TNS1: variants seen among roughly 807,000 people sequenced by gnomAD.
The protein encoded by TNS1 is tensin 1, also known as tensin-1.
In TNS1, 62 loss-of-function variants were observed where a neutral mutation model predicts 168.6. The observed-to-expected ratio is 0.37, with a 90% CI of 0.30 to 0.45. TNS1 has a LOEUF of 0.45. Among genes scored for constraint, TNS1 ranks in the 20% least tolerant of loss-of-function variants. The pLI is 1.00. For synonymous variants in TNS1, 934 were observed against 933.2 expected (o/e 1.00, Z -0.02); for missense variants, 2,240 against 2,339.4 (o/e 0.96, Z 0.88).
rs112279658 is a variant in TNS1 at position 217,808,507 on chromosome 2, G to GCACA, written c.5342+92_5342+95dup. ...AGCTGAATGGAGAATGTATGCACAT[G>GCACA]CACACACACACACACACACATGCAC... On this transcript the variant is annotated intron_variant, in intron 31 of 32. Transcript: ENST00000682258. 4.1e-3 allele frequency: 4,214 copies of GCACA among 1,019,914 alleles called. 79 individuals carry two copies. In the African/African-American group the frequency reaches 0.055, roughly 13 times the overall value. The allele number at this position is 1,019,914 out of a possible 1,614,324, so 63.2% of individuals were successfully genotyped here. A position where few individuals can be genotyped will look rare whatever the true frequency, so the allele number is the denominator to read the frequency against.
chr2:217,804,256 TTCTCTCTC>T lies in TNS1; in HGVS notation c.*195_*202del, dbSNP rs71403015. 372 of 416,886 alleles carry T rather than the reference TTCTCTCTC, an allele frequency of 8.9e-4. No homozygotes were observed. Among genetic ancestry groups the T allele is most frequent in the African/African-American group, 1.8e-3 (81 of 44,276 alleles). 25.8% of individuals were successfully genotyped at this position (416,886 alleles called of 1,614,324 possible). A position where few individuals can be genotyped will look rare whatever the true frequency, so the allele number is the denominator to read the frequency against. ...GAATCCAAGTTCTTCTCCTCCATCT[TTCTCTCTC>T]TCTCTCTCTCTCTCTCTCTCTCTCT... is the stretch of plus-strand genomic sequence containing the variant. On this transcript the variant is annotated 3_prime_UTR_variant, in exon 33 of 33. Transcript: ENST00000682258.
chr2:218,030,978 GTGTATGAGTGTA>G (rs1559415418), intron 1 of TNS1, among the ~76,000 whole-genome samples: 13 of 151,630 alleles, frequency 8.6e-5, no homozygotes, highest in Admixed American at 1.3e-4. Flanking sequence ...TGTGAACTGT[GTGTATGAGTGTA>G]TGTATGAGTG....
intron 18 of TNS1, among the ~76,000 whole-genome samples, chr2:217,870,964 C>T (rs1263322410): frequency 3.9e-5 from 6 of 152,236 alleles, no homozygotes; most frequent in Non-Finnish European, 8.8e-5. Context: ...ACTAATTGTG[C>T]CAGTGAGTCA....
intron 3 of TNS1, chr2:217,936,921 C>T (rs201709623): frequency 1.5e-5 from 7 of 456,722 alleles, no homozygotes; most frequent in Non-Finnish European, 2.6e-5. Flanking sequence ...CACTAAGGCT[C>T]AGACCCATGT....
chr2:217,886,748 C>T (rs950503357), intron 12 of TNS1, 102 bp from the exon 13 acceptor site: 1 of 878,612 alleles, frequency 1.1e-6, no homozygotes, highest in African/African-American at 1.7e-5. Flanking sequence ...CACTCACCTA[C>T]TCTACCCTCT....
At chr2:217,913,464 C>T (rs1954657447) in intron 4 of TNS1, among the ~76,000 whole-genome samples, 1 of 152,124 alleles carries the variant, frequency 6.6e-6, no homozygotes, top group African/African-American at 2.4e-5. Context: ...TGGCTCTCCT[C>T]CCCGACCTGG....
chr2:217,968,995 A>G (rs960874447), intron 3 of TNS1, among the ~76,000 whole-genome samples: 1 of 152,158 alleles, frequency 6.6e-6, no homozygotes, highest in African/African-American at 2.4e-5. Flanking sequence ...CACCACTCCC[A>G]GCCTCAAAAT....
chr2:217,835,973 C>A (rs372445801), intron 20 of TNS1, 42 bp downstream of exon 20: 33 of 1,553,274 alleles, frequency 2.1e-5, no homozygotes, highest in African/African-American at 2.0e-4. Flanking sequence ...AAAGTGGGCA[C>A]CACTACCCTC....
chr2:217,966,115 A>AC (rs759126462), intron 3 of TNS1, among the ~76,000 whole-genome samples: 5 of 151,738 alleles, frequency 3.3e-5, no homozygotes, highest in Non-Finnish European at 7.4e-5. Flanking sequence ...GATGCAGCAA[A>AC]CCCTTGTGTG....
intron 2 of TNS1, among the ~76,000 whole-genome samples, chr2:217,984,743 T>G (rs1381759096): frequency 2.7e-5 from 4 of 148,372 alleles, no homozygotes. Flanking sequence ...TCCTCCCACC[T>G]CAGCCTCTTT....
At chr2:217,932,722 A>G (rs1432979483) in intron 3 of TNS1, among the ~76,000 whole-genome samples, 1 of 152,184 alleles carries the variant, frequency 6.6e-6, no homozygotes, top group Admixed American at 6.5e-5. Context: ...GTCAAAGTCA[A>G]AGAAAGCATG....
At chr2:217,968,855 T>A (rs1287455417) in intron 3 of TNS1, among the ~76,000 whole-genome samples, 2 of 152,070 alleles carry the variant, frequency 1.3e-5, no homozygotes, top group Non-Finnish European at 1.5e-5. Context: ...CCACCATGCC[T>A]GGCTAATTTT....
In TNS1 at chr2:217,880,625, G is replaced by A. The variant is rs891311932; in HGVS notation, c.1429+273C>T. 3.3e-5 allele frequency among the ~76,000 whole-genome samples: 5 copies of A among 152,180 alleles called. No homozygotes were observed. Among genetic ancestry groups the A allele is most frequent in the Admixed American group, 6.5e-5 (1 of 15,286 alleles). Reference sequence around the variant, plus strand: ...CAATCCCAGAGAACTCACTGTCCACGGAACTTACTTGGCTGTAGCAACACA... The same window carrying A: ...CAATCCCAGAGAACTCACTGTCCACAGAACTTACTTGGCTGTAGCAACACA... On this transcript the variant is annotated intron_variant, in intron 18 of 32. Coordinates refer to ENST00000682258, the MANE Select transcript of TNS1 (RefSeq NM_001387777.1). This position sits in a 1 kb window ranked among gnomAD's most constrained non-coding sequence, Gnocchi z 4.2.
At chr2:217,988,420 G>A (rs1958256695) in intron 2 of TNS1, among the ~76,000 whole-genome samples, 2 of 152,186 alleles carry the variant, frequency 1.3e-5, no homozygotes, top group African/African-American at 4.8e-5. Context: ...AAATGCCCAA[G>A]GTCACACAGT....
intron 1 of TNS1, among the ~76,000 whole-genome samples, chr2:218,019,959 C>G (rs1958793103): frequency 6.6e-6 from 1 of 152,150 alleles, no homozygotes; most frequent in Non-Finnish European, 1.5e-5. Flanking sequence ...GCAGCCTCCC[C>G]ACTGCCCTAC....
At chr2:217,853,729 A>G (rs1336022921) in intron 18 of TNS1, among the ~76,000 whole-genome samples, 2 of 152,030 alleles carry the variant, frequency 1.3e-5, no homozygotes, top group Non-Finnish European at 2.9e-5. Context: ...TGATTGCACC[A>G]CGGGGCCTTT....
chr2:217,965,737 G>A (rs926243922), intron 3 of TNS1, among the ~76,000 whole-genome samples: 1 of 152,194 alleles, frequency 6.6e-6, no homozygotes, highest in African/African-American at 2.4e-5. Context: ...CAAAGGCCTT[G>A]CTCTCCCTGC....
chr2:217,861,112 A>G (rs1393829288), intron 18 of TNS1, among the ~76,000 whole-genome samples: 1 of 152,220 alleles, frequency 6.6e-6, no homozygotes, highest in Non-Finnish European at 1.5e-5. Flanking sequence ...TTCCAGGTAC[A>G]GGGATTTTAC....
chr2:217,923,261 T>A (rs1019752666), intron 3 of TNS1, among the ~76,000 whole-genome samples: 1 of 152,118 alleles, frequency 6.6e-6, no homozygotes, highest in Admixed American at 6.5e-5. Flanking sequence ...TAAGCCCCCT[T>A]CCCCCAGTGG....
Sources: allele counts gnomAD v4.1 joint callset (sites outside exome capture counted in the v4.1 genomes callset), GRCh38; gene constraint gnomAD v4.1.1; non-coding constraint Gnocchi (gnomAD v3.1); transcripts MANE v1.5; gene names NCBI Gene and HGNC (gene_info 2026-07-23, HGNC 2026-07-21).